Variants in GAREM1 observed in about 807,000 individuals in gnomAD.
GAREM1 encodes the protein GRB2 associated regulator of MAPK1 subtype 1.
In GAREM1, 26 loss-of-function variants were observed where a neutral mutation model predicts 71.3. The observed-to-expected ratio is 0.36, with a 90% CI of 0.27 to 0.51. The LOEUF is 0.51. GAREM1 is among the 20% of genes least tolerant of loss of function. GAREM1 has a pLI of 0.95. For missense variants in GAREM1, 1,026 were observed against 1,103.1 expected (o/e 0.93, Z 0.99); for synonymous variants, 440 against 433.2 (o/e 1.02, Z -0.20).
At position 32,470,393 on chromosome 18, in the gene GAREM1, C is replaced by T. The variant is rs11664566; in HGVS notation, c.36G>A (p.Lys12=). The change falls in exon 1 of 6, where the codon AAG becomes AAA. Residue 12 remains lysine, a synonymous_variant. Coordinates refer to ENST00000269209, the MANE Select transcript of GAREM1 (RefSeq NM_001242409.2). This position sits in a 1 kb window ranked among gnomAD's most constrained non-coding sequence, Gnocchi z 4.4. The part of the protein sequence containing the change: ...DPAPSLGCSL[K]DVKWSSVAVP... ...CGGCCACCGAGCTCCACTTCACATC[C>T]TTGAGGCTGCAGCCCAGCGAGGGCG... 0.18 allele frequency: 283,105 copies of T among 1,552,110 alleles called. 28,352 individuals are homozygous for T. The highest frequency in any genetic ancestry group is 0.43 in the East Asian group (16,229 of 38,006).
chr18:32,420,976 A>G (rs999133315), intron 1 of GAREM1, among the ~76,000 whole-genome samples: 1 of 152,118 alleles, frequency 6.6e-6, no homozygotes, highest in African/African-American at 2.4e-5. Flanking sequence ...TAACATTTAT[A>G]AATATACCCA....
At chr18:32,338,844 T>C (rs550589394) in intron 2 of GAREM1, among the ~76,000 whole-genome samples, 1 of 152,336 alleles carries the variant, frequency 6.6e-6, no homozygotes, top group Admixed American at 6.5e-5. Context: ...TAGATGTCTC[T>C]GTGAAGTTCT....
At chr18:32,416,809 C>A (rs188247781) in intron 1 of GAREM1, among the ~76,000 whole-genome samples, 1 of 152,116 alleles carries the variant, frequency 6.6e-6, no homozygotes. Flanking sequence ...GGACACTGGA[C>A]TGTAGATTTC....
intron 4 of GAREM1, among the ~76,000 whole-genome samples, chr18:32,277,445 G>C (rs2041557579): frequency 6.6e-6 from 1 of 152,104 alleles, no homozygotes; most frequent in African/African-American, 2.4e-5. Flanking sequence ...GCCACATAAA[G>C]CTAGAAAAAT....
At chr18:32,308,930 T>G (rs908065481) in intron 3 of GAREM1, among the ~76,000 whole-genome samples, 1 of 150,026 alleles carries the variant, frequency 6.7e-6, no homozygotes, top group African/African-American at 2.5e-5. Context: ...CCTAGGCATC[T>G]CCTCCCTTTC....
intron 2 of GAREM1, among the ~76,000 whole-genome samples, chr18:32,314,593 GTT>G (rs568011044): frequency 7.0e-6 from 1 of 143,636 alleles, no homozygotes. Context: ...TTTTGTTGTT[GTT>G]TTTTTTTTTT....
intron 3 of GAREM1, among the ~76,000 whole-genome samples, chr18:32,290,569 C>T (rs1218540939): frequency 1.4e-5 from 2 of 148,014 alleles, no homozygotes. Context: ...CGCTTGAACC[C>T]GGGAGGCAGA....
chr18:32,365,222 T>C (rs2047919624), intron 2 of GAREM1, among the ~76,000 whole-genome samples: 1 of 152,208 alleles, frequency 6.6e-6, no homozygotes, highest in Non-Finnish European at 1.5e-5. Flanking sequence ...TTTACATATG[T>C]GGAACTAATT....
At chr18:32,319,867 T>C (rs1293408194) in intron 2 of GAREM1, among the ~76,000 whole-genome samples, 1 of 152,246 alleles carries the variant, frequency 6.6e-6, no homozygotes, top group Non-Finnish European at 1.5e-5. Context: ...CTGCACATTA[T>C]TTCATCCCAT....
chr18:32,350,587 AAAC>A (rs59956240), intron 2 of GAREM1, among the ~76,000 whole-genome samples: 16,250 of 152,174 alleles, frequency 0.11, 960 homozygotes, highest in African/African-American at 0.15. Context: ...TTCAGACTAA[AAAC>A]AAGACCCCTT....
At chr18:32,344,869 G>A (rs965049610) in intron 2 of GAREM1, among the ~76,000 whole-genome samples, 1 of 152,110 alleles carries the variant, frequency 6.6e-6, no homozygotes, top group Non-Finnish European at 1.5e-5. Flanking sequence ...AGACCAGCCT[G>A]GCCAATATGG....
intron 3 of GAREM1, among the ~76,000 whole-genome samples, chr18:32,300,842 G>A (rs776681156): frequency 6.8e-6 from 1 of 148,106 alleles, no homozygotes; most frequent in East Asian, 2.0e-4. Flanking sequence ...AGAGGCAGAG[G>A]TTGCGGTGAG....
intron 1 of GAREM1, among the ~76,000 whole-genome samples, chr18:32,403,210 A>C (rs2048333493): frequency 6.6e-6 from 1 of 151,748 alleles, no homozygotes; most frequent in Non-Finnish European, 1.5e-5. Flanking sequence ...GCCTGGCCTC[A>C]ATCTTTTCAT....
At chr18:32,398,039 C>T (rs2048275329) in intron 1 of GAREM1, among the ~76,000 whole-genome samples, 2 of 152,172 alleles carry the variant, frequency 1.3e-5, no homozygotes, top group African/African-American at 4.8e-5. Flanking sequence ...TACATGTAAA[C>T]TGAACAACCT....
intron 2 of GAREM1, among the ~76,000 whole-genome samples, chr18:32,358,811 G>T (rs891955803): frequency 6.6e-6 from 1 of 152,162 alleles, no homozygotes; most frequent in Non-Finnish European, 1.5e-5. Context: ...ACTCAGGCTA[G>T]AATCCAAACA....
intron 1 of GAREM1, among the ~76,000 whole-genome samples, chr18:32,434,583 A>C (rs1252996312): frequency 6.6e-6 from 1 of 152,172 alleles, no homozygotes; most frequent in Non-Finnish European, 1.5e-5. Context: ...ATTAAATAGG[A>C]ATAATACTAG....
intron 1 of GAREM1, among the ~76,000 whole-genome samples, chr18:32,415,333 G>A (rs931812019): frequency 1.3e-5 from 2 of 151,878 alleles, no homozygotes; most frequent in Non-Finnish European, 2.9e-5. Context: ...TAGAGGAAGA[G>A]GGAATACTTC....
intron 1 of GAREM1, among the ~76,000 whole-genome samples, chr18:32,425,283 A>G (rs570244572): frequency 2.2e-4 from 33 of 152,348 alleles, no homozygotes; most frequent in Non-Finnish European, 4.0e-4. Flanking sequence ...ACTGTGGCAC[A>G]AAATTTTATT....
chr18:32,346,682 A>C (rs868248173), intron 2 of GAREM1, among the ~76,000 whole-genome samples: 7 of 152,036 alleles, frequency 4.6e-5, no homozygotes, highest in Middle Eastern at 3.2e-3. Context: ...CTGAATTACT[A>C]CTCCTAGTTG....
Sources: gnomAD v4.1 joint callset for allele counts (sites outside exome capture counted in the v4.1 genomes callset) on GRCh38, gnomAD v4.1.1 for gene constraint, Gnocchi (gnomAD v3.1) non-coding constraint, MANE v1.5 for transcripts, NCBI Gene and HGNC (gene_info 2026-07-23, HGNC 2026-07-21) for gene names.